The following ST6GALNAC3 variants were observed in gnomAD, a reference collection of about 807,000 sequenced individuals.
ST6GALNAC3 encodes the protein ST6 N-acetylgalactosaminide alpha-2,6-sialyltransferase 3.
ST6GALNAC3 carries 25 observed loss-of-function variants against 32.7 expected under a neutral mutation model. The ratio of observed to expected loss-of-function variants is 0.76; its 90% CI spans 0.56 to 1.07. ST6GALNAC3 has a LOEUF of 1.07. Ranked by LOEUF, ST6GALNAC3 falls within the 50% of genes least tolerant of loss-of-function variation. The probability of loss-of-function intolerance (pLI) is 0.00; values close to 1 mark genes in which losing one functional copy is unlikely to be tolerated. For synonymous variants in ST6GALNAC3, 129 were observed against 133.1 expected, an observed-to-expected ratio of 0.97 and a Z score of 0.21; for missense variants, 355 against 382.4, an observed-to-expected ratio of 0.93 and a Z score of 0.60.
In ST6GALNAC3 at chr1:76,631,058, C is replaced by T. The variant is rs1248076534; in HGVS notation, c.*2252C>T. 1 of 983,852 alleles carries T rather than the reference C, an allele frequency of 1.0e-6. No homozygotes were observed. The highest frequency in any genetic ancestry group is 1.2e-6 in the Non-Finnish European group (1 of 828,434). 60.9% of individuals were successfully genotyped at this position (983,852 alleles called of 1,614,324 possible). On this transcript the variant is annotated 3_prime_UTR_variant, in exon 5 of 5. Transcript: ENST00000328299. ...AGAAACATTTGAAAACTTGCTTGCT[C>T]TCCTGCCTCGTTGTAGCTTTCTCTG...
At chr1:76,456,991 C>A (rs1296806493) in intron 3 of ST6GALNAC3, among the ~76,000 whole-genome samples, 2 of 151,876 alleles carry the variant, frequency 1.3e-5, no homozygotes, top group Non-Finnish European at 2.9e-5. Flanking sequence ...AGCTGATAAG[C>A]AACTTCAGCA....
chr1:76,565,177 G>C (rs1257298382), intron 3 of ST6GALNAC3, among the ~76,000 whole-genome samples: 1 of 152,114 alleles, frequency 6.6e-6, no homozygotes, highest in Non-Finnish European at 1.5e-5. Flanking sequence ...TAAGGGGGCT[G>C]CCTATGCTGA....
intron 2 of ST6GALNAC3, among the ~76,000 whole-genome samples, chr1:76,398,223 C>A (rs1653133411): frequency 6.6e-6 from 1 of 152,108 alleles, no homozygotes; most frequent in Non-Finnish European, 1.5e-5. Context: ...TGAGACAAAT[C>A]TCTTTAGTGA....
chr1:76,418,936 A>C (rs1249183013), intron 3 of ST6GALNAC3, among the ~76,000 whole-genome samples: 2 of 130,196 alleles, frequency 1.5e-5, no homozygotes, highest in East Asian at 4.1e-4. Flanking sequence ...TTAAAAATTC[A>C]AAAAAAAAAA....
chr1:76,149,032 T>C (rs549195), intron 1 of ST6GALNAC3, among the ~76,000 whole-genome samples: 17,335 of 152,226 alleles, frequency 0.11, 1,185 homozygotes, highest in Non-Finnish European at 0.15. Flanking sequence ...AATGCTTGCC[T>C]CATCATATTC....
At chr1:76,243,823 C>T (rs1657102332) in intron 1 of ST6GALNAC3, among the ~76,000 whole-genome samples, 1 of 152,076 alleles carries the variant, frequency 6.6e-6, no homozygotes, top group Admixed American at 6.5e-5. Flanking sequence ...GATTTGGTAC[C>T]AGTACCATGC....
chr1:76,627,324 ACT>A (rs1649028946), intron 3 of ST6GALNAC3, 126 bp from the exon 4 acceptor site: 1 of 640,618 alleles, frequency 1.6e-6, no homozygotes. Flanking sequence ...AAGTTTCTCA[ACT>A]CTTTTTCCTG....
intron 3 of ST6GALNAC3, among the ~76,000 whole-genome samples, chr1:76,592,951 G>A (rs1647072043): frequency 6.6e-6 from 1 of 151,792 alleles, no homozygotes; most frequent in East Asian, 1.9e-4. Flanking sequence ...TTTAAAAGGG[G>A]AATTCTTTTC....
At chr1:76,270,692 C>G (rs1658795550) in intron 1 of ST6GALNAC3, among the ~76,000 whole-genome samples, 1 of 151,950 alleles carries the variant, frequency 6.6e-6, no homozygotes, top group Non-Finnish European at 1.5e-5. Context: ...CAGTTAATGA[C>G]AGGGCCGGGA....
intron 3 of ST6GALNAC3, among the ~76,000 whole-genome samples, chr1:76,423,899 T>C (rs556034737): frequency 2.0e-5 from 3 of 152,076 alleles, no homozygotes; most frequent in South Asian, 4.1e-4. Flanking sequence ...TTAATTCTTC[T>C]AGTTGATAGT....
At position 76,357,835 on chromosome 1, in the gene ST6GALNAC3, T is replaced by C. The variant is rs59090427; in HGVS notation, c.213+43836T>C. The stretch of plus-strand genomic sequence containing the variant: ...TTCAATGGCAATTCAAAAATATTGT[T>C]GCACTGGAGTGCCTCCAGATGAAGG... On this transcript the variant is annotated intron_variant, in intron 2 of 4. Transcript: ENST00000328299. Among the ~76,000 whole-genome samples the C allele has an allele frequency of 8.6e-3, 1,316 of 152,262 alleles. 11 individuals carry two copies. The highest frequency in any genetic ancestry group is 0.031 in the African/African-American group (1,270 of 41,550).
intron 1 of ST6GALNAC3, among the ~76,000 whole-genome samples, chr1:76,112,072 C>G (rs1648004851): frequency 8.2e-6 from 1 of 121,802 alleles, no homozygotes; most frequent in Non-Finnish European, 2.0e-5. Context: ...TGGGGGCTGA[C>G]CCCCCCACCT....
At chr1:76,214,127 C>G (rs1655329136) in intron 1 of ST6GALNAC3, among the ~76,000 whole-genome samples, 1 of 151,994 alleles carries the variant, frequency 6.6e-6, no homozygotes. Flanking sequence ...GCCGCACAGC[C>G]CAATATGGCA....
rs1321178320 is a variant in ST6GALNAC3 at position 76,631,979 on chromosome 1, A to C, written c.*3173A>C. 6.6e-6 allele frequency: 1 copy of C among 152,106 alleles called. No homozygotes were observed. Among genetic ancestry groups the C allele is most frequent in the Non-Finnish European group, 1.5e-5 (1 of 67,984 alleles). 9.4% of individuals were successfully genotyped at this position (152,106 alleles called of 1,614,324 possible). On this transcript the variant is annotated 3_prime_UTR_variant, in exon 5 of 5. Coordinates refer to ENST00000328299, the MANE Select transcript of ST6GALNAC3 (RefSeq NM_152996.4). ...TTAGAGTATATGATTTTACATTGCTATCAAACCTATCAAAGAAAAGGCAAT... is the reference window on the plus strand; with the variant it reads ...TTAGAGTATATGATTTTACATTGCTCTCAAACCTATCAAAGAAAAGGCAAT...
chr1:76,492,765 G>T (rs996780862), intron 3 of ST6GALNAC3, among the ~76,000 whole-genome samples: 4 of 152,078 alleles, frequency 2.6e-5, no homozygotes, highest in African/African-American at 7.2e-5. Context: ...AGGAGAACAG[G>T]GTTAAATAAA....
At chr1:76,560,006 T>C (rs1340234560) in intron 3 of ST6GALNAC3, among the ~76,000 whole-genome samples, 2 of 152,040 alleles carry the variant, frequency 1.3e-5, no homozygotes, top group East Asian at 1.9e-4. Flanking sequence ...CAATAAAGCA[T>C]AGAGAACCCA....
chr1:76,630,947 C>T lies in ST6GALNAC3; in HGVS notation c.*2141C>T, dbSNP rs1257143945. The T allele has an allele frequency of 1.0e-6, 1 of 985,376 alleles. No individual in the cohort carries two copies. Among genetic ancestry groups the T allele is most frequent in the African/African-American group, 1.7e-5 (1 of 57,164 alleles). The allele number at this position is 985,376 out of a possible 1,614,324, so 61.0% of individuals were successfully genotyped here. Reference sequence around the variant, plus strand: ...AAATAAAAAGAAATCCTTGATTAATCAGAATGGCTTGGGACATGAACTTAA... The same window carrying T: ...AAATAAAAAGAAATCCTTGATTAATTAGAATGGCTTGGGACATGAACTTAA... On this transcript the variant is annotated 3_prime_UTR_variant, in exon 5 of 5. Coordinates refer to ENST00000328299, the MANE Select transcript of ST6GALNAC3 (RefSeq NM_152996.4).
chr1:76,556,498 C>A (rs923665291), intron 3 of ST6GALNAC3, among the ~76,000 whole-genome samples: 10 of 151,922 alleles, frequency 6.6e-5, no homozygotes, highest in African/African-American at 2.4e-4. Flanking sequence ...ACATTTCTAC[C>A]AACAGTTTAT....
intron 1 of ST6GALNAC3, among the ~76,000 whole-genome samples, chr1:76,267,878 T>C (rs1425389198): frequency 6.6e-6 from 1 of 152,186 alleles, no homozygotes; most frequent in Non-Finnish European, 1.5e-5. Flanking sequence ...GTGGTCAATA[T>C]CTCAAGAAAA....
Sources: gnomAD v4.1 joint callset for allele counts (sites outside exome capture counted in the v4.1 genomes callset) on GRCh38, gnomAD v4.1.1 for gene constraint, MANE v1.5 for transcripts, NCBI Gene and HGNC (gene_info 2026-07-23, HGNC 2026-07-21) for gene names.